Variants in IGSF11 observed in about 807,000 individuals in gnomAD.
IGSF11 encodes immunoglobulin superfamily member 11.
IGSF11 carries 22 observed loss-of-function variants against 41.0 expected under a neutral mutation model. The ratio of observed to expected loss-of-function variants is 0.54; its 90% CI spans 0.38 to 0.77. The LOEUF is 0.77. IGSF11 is among the 30% of genes least tolerant of loss of function. The pLI is 0.00. For synonymous variants in IGSF11, 219 were observed against 201.3 expected (o/e 1.09, Z -0.74); for missense variants, 444 against 530.8 (o/e 0.84, Z 1.61).
chr3:118,971,456 CATTA>C (rs910895547), intron 1 of IGSF11, among the ~76,000 whole-genome samples: 1 of 151,974 alleles, frequency 6.6e-6, no homozygotes, highest in Admixed American at 6.6e-5. Flanking sequence ...ATTTCAATAA[CATTA>C]ATTATCCTGA....
intron 1 of IGSF11, among the ~76,000 whole-genome samples, chr3:119,039,973 T>TA (rs1941060147): frequency 6.6e-6 from 1 of 152,220 alleles, no homozygotes; most frequent in Non-Finnish European, 1.5e-5. Context: ...ACTTAGTTTA[T>TA]AGTTTAAACA....
chr3:119,023,447 G>A (rs1939512337), intron 1 of IGSF11, among the ~76,000 whole-genome samples: 1 of 151,992 alleles, frequency 6.6e-6, no homozygotes, highest in Non-Finnish European at 1.5e-5. Context: ...TGCTACAATT[G>A]ACATAGTTCC....
chr3:118,917,383 A>G (rs1941254502), intron 4 of IGSF11, among the ~76,000 whole-genome samples: 1 of 149,706 alleles, frequency 6.7e-6, no homozygotes, highest in African/African-American at 2.5e-5. Flanking sequence ...AGAAAAAAAG[A>G]GAGAAGAATC....
In IGSF11 at chr3:119,139,434, G is replaced by A. The variant is rs370121295; in HGVS notation, c.-14+6379C>T. 2.8e-4 allele frequency among the ~76,000 whole-genome samples: 42 copies of A among 152,270 alleles called. No individual in the cohort carries two copies. The South Asian group carries it at 5.6e-3, about 20-fold the overall frequency. ...TTCCCACGTGTTGTAGGAGGTACCC[G>A]GTGGGAAATAATTGAATCACAGGGG... is the stretch of plus-strand genomic sequence containing the variant. On this transcript the variant is annotated intron_variant, in intron 1 of 7. Coordinates refer to the IGSF11 transcript ENST00000425327.
intron 1 of IGSF11, among the ~76,000 whole-genome samples, chr3:119,083,639 A>C (rs1156322333): frequency 6.6e-6 from 1 of 152,176 alleles, no homozygotes; most frequent in Non-Finnish European, 1.5e-5. Flanking sequence ...GAATTCAAAA[A>C]TTCTTATCAC....
At chr3:118,932,930 A>C (rs191546117) in intron 1 of IGSF11, among the ~76,000 whole-genome samples, 5 of 152,334 alleles carry the variant, frequency 3.3e-5, no homozygotes, top group African/African-American at 4.8e-5. Flanking sequence ...AATTTTTTAA[A>C]ATGACCAATA....
Position 119,026,606 on chromosome 3 carries a change from TA to T in IGSF11, c.52+7924del, listed in dbSNP as rs923761820. Among the ~76,000 whole-genome samples, 46 of 150,472 alleles carry T rather than the reference TA, an allele frequency of 3.1e-4. No homozygotes were observed. In the South Asian group the frequency reaches 6.9e-3, roughly 23 times the overall value. On this transcript the variant is annotated intron_variant, in intron 1 of 6. Transcript: ENST00000393775. ...GTCTTCGCCATTATGTAGTCACAGT[TA>T]AAAAAAAAATCCAGTTTCATTAAAG...
At chr3:118,946,186 T>C (rs548269736) in intron 1 of IGSF11, among the ~76,000 whole-genome samples, 15 of 150,012 alleles carry the variant, frequency 1.0e-4, no homozygotes, top group East Asian at 3.9e-4. Flanking sequence ...TTATTAACCA[T>C]TGGCTACACA....
At chr3:118,931,742 T>TTC (rs954848343) in intron 1 of IGSF11, among the ~76,000 whole-genome samples, 4 of 151,412 alleles carry the variant, frequency 2.6e-5, no homozygotes, top group Non-Finnish European at 5.9e-5. Flanking sequence ...CACTGATTTT[T>TTC]TTTTTTTTTT....
At chr3:119,033,526 C>G (rs1940616519) in intron 1 of IGSF11, among the ~76,000 whole-genome samples, 1 of 152,146 alleles carries the variant, frequency 6.6e-6, no homozygotes, top group South Asian at 2.1e-4. Flanking sequence ...TCTCTTCTCC[C>G]CTATTCAATG....
rs551539920 is a variant in IGSF11 at position 119,063,461 on chromosome 3, GT to G, written c.49+41682del. Among the ~76,000 whole-genome samples, 24 of 152,108 alleles carry G rather than the reference GT, an allele frequency of 1.6e-4. No individual in the cohort carries two copies. The East Asian group carries it at 4.4e-3, about 28-fold the overall frequency. On this transcript the variant is annotated intron_variant, in intron 1 of 6. Transcript: ENST00000354673. The stretch of plus-strand genomic sequence containing the variant: ...CCCTTTTGAGGACAAGCCATGAGGG[GT>G]TTTTTTGTTATGTTTTGTTTTGTTT...
At chr3:118,912,785 C>A (rs1392459759) in intron 4 of IGSF11, among the ~76,000 whole-genome samples, 1 of 152,080 alleles carries the variant, frequency 6.6e-6, no homozygotes, top group East Asian at 1.9e-4. Flanking sequence ...AATTATTAAA[C>A]ATATACAGAA....
chr3:118,945,559 A>C (rs1164009695), intron 1 of IGSF11, among the ~76,000 whole-genome samples: 1 of 152,162 alleles, frequency 6.6e-6, no homozygotes, highest in Non-Finnish European at 1.5e-5. Flanking sequence ...ACTAAATGAA[A>C]CCACAGAGTG....
At chr3:119,131,880 G>C (rs1177648410) in intron 1 of IGSF11, among the ~76,000 whole-genome samples, 2 of 152,230 alleles carry the variant, frequency 1.3e-5, no homozygotes, top group African/African-American at 4.8e-5. Context: ...AGCCAGAAGA[G>C]AGTGAGGGCC....
chr3:119,048,017 T>C (rs560221264), intron 1 of IGSF11, among the ~76,000 whole-genome samples: 12 of 152,032 alleles, frequency 7.9e-5, no homozygotes, highest in Admixed American at 2.6e-4. Context: ...GGGAAATTTA[T>C]AGCACTAAAT....
At chr3:119,015,909 C>T (rs1938627788) in intron 1 of IGSF11, among the ~76,000 whole-genome samples, 1 of 152,066 alleles carries the variant, frequency 6.6e-6, no homozygotes, top group Admixed American at 6.6e-5. Flanking sequence ...GAGAGAAAAA[C>T]GATTCAAAGG....
intron 1 of IGSF11, among the ~76,000 whole-genome samples, chr3:119,042,164 TTTA>T (rs980790582): frequency 6.6e-6 from 1 of 152,130 alleles, no homozygotes; most frequent in African/African-American, 2.4e-5. Flanking sequence ...AGATGATCAT[TTTA>T]TTAAGTGCCC....
At chr3:119,043,335 T>A (rs1941195466) in intron 1 of IGSF11, among the ~76,000 whole-genome samples, 1 of 152,150 alleles carries the variant, frequency 6.6e-6, no homozygotes, top group East Asian at 1.9e-4. Context: ...CTAATTGGCA[T>A]TTTAGTGAGC....
chr3:119,041,305 G>C (rs1162691929), intron 1 of IGSF11, among the ~76,000 whole-genome samples: 1 of 152,196 alleles, frequency 6.6e-6, no homozygotes, highest in African/African-American at 2.4e-5. Flanking sequence ...ATGGTGGCCA[G>C]ATGTGGTGGC....
Sources: allele counts gnomAD v4.1 joint callset (sites outside exome capture counted in the v4.1 genomes callset), GRCh38; gene constraint gnomAD v4.1.1; transcripts MANE v1.5; gene names NCBI Gene and HGNC (gene_info 2026-07-23, HGNC 2026-07-21).